The following NEO1 variants were observed in gnomAD, a reference collection of about 807,000 sequenced individuals.
NEO1 encodes neogenin.
NEO1 carries 63 observed loss-of-function variants against 159.7 expected under a neutral mutation model. That is an observed-to-expected ratio of 0.39 (90% CI 0.32 to 0.49). NEO1 has a LOEUF of 0.49. NEO1 is among the 20% of genes least tolerant of loss of function. NEO1 has a pLI of 0.85. For synonymous variants in NEO1, 633 were observed against 662.0 expected (o/e 0.96, Z 0.67); for missense variants, 1,615 against 1,831.0 (o/e 0.88, Z 2.15).
chr15:73,251,872 T>C (rs1019203504), intron 11 of NEO1, among the ~76,000 whole-genome samples: 1 of 152,280 alleles, frequency 6.6e-6, no homozygotes, highest in Middle Eastern at 3.4e-3. Flanking sequence ...GGAATGAGAA[T>C]AGAAACTCCG....
intron 15 of NEO1, among the ~76,000 whole-genome samples, chr15:73,261,372 T>C (rs1199930787): frequency 6.6e-6 from 1 of 152,148 alleles, no homozygotes; most frequent in East Asian, 1.9e-4. Context: ...AAAATGATTT[T>C]GGAAACCAAT....
At chr15:73,278,768 C>T (rs1342655007) in intron 22 of NEO1, among the ~76,000 whole-genome samples, 4 of 152,140 alleles carry the variant, frequency 2.6e-5, no homozygotes, top group South Asian at 2.1e-4. Context: ...CCGTTATTCC[C>T]GTTTAATACA....
chr15:73,298,447 C>T lies in NEO1; in HGVS notation c.4001C>T (p.Ser1334Phe), dbSNP rs376585204. The part of the protein sequence containing the change: ...HQDPEGATSS[S>F]YLASSQEEDS... ...GACCCTGAAGGTGCTACCAGCTCCT[C>T]TTACTTGGCCAGCTCCCAAGAGGAA... Residue 1334 changes from serine (S) to phenylalanine (F), a missense_variant, in exon 27 of 29, where the codon TCT becomes TTT. Coordinates refer to ENST00000261908, the MANE Select transcript of NEO1 (RefSeq NM_002499.4). The T allele has an allele frequency of 6.2e-7, 1 of 1,614,118 alleles. No homozygotes were observed. The highest frequency in any genetic ancestry group is 1.1e-5 in the South Asian group (1 of 91,092).
chr15:73,166,667 A>G (rs1283706478), intron 5 of NEO1, among the ~76,000 whole-genome samples: 10 of 152,232 alleles, frequency 6.6e-5, no homozygotes, highest in Admixed American at 6.5e-4. Context: ...TCTGATTTGC[A>G]GTTCATTAAG....
chr15:73,181,262 C>T (rs2035591875), intron 7 of NEO1, among the ~76,000 whole-genome samples: 1 of 152,004 alleles, frequency 6.6e-6, no homozygotes. Context: ...AAAACAATGC[C>T]ATGTGTAATG....
chr15:73,260,148 G>T, intron 14 of NEO1, 123 bp from the exon 15 acceptor site: 1 of 720,442 alleles, frequency 1.4e-6, no homozygotes, highest in Non-Finnish European at 2.2e-6. Context: ...TGAACTCTTG[G>T]GCATAATGTA....
At chr15:73,282,251 T>G (rs545931883) in intron 22 of NEO1, among the ~76,000 whole-genome samples, 215 of 152,364 alleles carry the variant, frequency 1.4e-3, no homozygotes, top group African/African-American at 5.0e-3. Flanking sequence ...TCATTTTCTT[T>G]TTTTCACACC....
chr15:73,221,427 G>C (rs976029263), intron 7 of NEO1, among the ~76,000 whole-genome samples: 11 of 152,222 alleles, frequency 7.2e-5, no homozygotes, highest in African/African-American at 2.4e-4. Flanking sequence ...ATCTCCAGCT[G>C]CGTGCTGGGA....
Position 73,084,783 on chromosome 15 carries a change from G to A in NEO1, c.131-31757G>A, listed in dbSNP as rs574307642. Among the ~76,000 whole-genome samples, 10 of 151,708 alleles carry A rather than the reference G, an allele frequency of 6.6e-5. No homozygotes were observed. In the South Asian group the frequency reaches 2.1e-3, roughly 32 times the overall value. Reference sequence around the variant, plus strand: ...GTTTCAATTTTACCTTTTTCTTTTTGTGTGTGTGTGTGTGTTTAATGTGTG... The same window carrying A: ...GTTTCAATTTTACCTTTTTCTTTTTATGTGTGTGTGTGTGTTTAATGTGTG... On this transcript the variant is annotated intron_variant, in intron 1 of 28. Coordinates refer to ENST00000261908, the MANE Select transcript of NEO1 (RefSeq NM_002499.4).
chr15:73,117,523 T>C (rs79796747), intron 2 of NEO1, among the ~76,000 whole-genome samples: 8,702 of 152,294 alleles, frequency 0.057, 349 homozygotes, highest in Non-Finnish European at 0.077. Context: ...GAAATAGTTT[T>C]TGTGAAGGGT....
At chr15:73,286,024 G>T (rs974753211) in intron 23 of NEO1, among the ~76,000 whole-genome samples, 1 of 152,028 alleles carries the variant, frequency 6.6e-6, no homozygotes, top group Non-Finnish European at 1.5e-5. Flanking sequence ...ATTTAAGTGT[G>T]CTCTAACTTC....
intron 7 of NEO1, among the ~76,000 whole-genome samples, chr15:73,205,765 G>T (rs909030391): frequency 2.0e-5 from 3 of 152,150 alleles, no homozygotes; most frequent in African/African-American, 7.2e-5. Context: ...CATTTCTCTA[G>T]TGAGTCCAGG....
intron 21 of NEO1, among the ~76,000 whole-genome samples, chr15:73,275,027 G>A (rs2041344872): frequency 6.6e-6 from 1 of 152,102 alleles, no homozygotes; most frequent in African/African-American, 2.4e-5. Context: ...CTGTGACAAC[G>A]ATAAGCATTT....
intron 8 of NEO1, among the ~76,000 whole-genome samples, chr15:73,239,869 A>G (rs965640377): frequency 9.2e-5 from 14 of 152,142 alleles, no homozygotes; most frequent in African/African-American, 3.1e-4. Flanking sequence ...CTGTCTGTAT[A>G]TTTTGATGTG....
At position 73,236,390 on chromosome 15, in the gene NEO1, C is replaced by T. The variant is rs772920854; in HGVS notation, c.1335C>T (p.Val445=). The stretch of plus-strand genomic sequence containing the variant: ...CACTGCCTTCAGCTCCTCGGGATGT[C>T]GTGGCCTCCCTGGTCTCTACCCGCT... ...TGPLPSAPRD[V]VASLVSTRFI... The change falls in exon 8 of 29, where the codon GTC becomes GTT. Residue 445 remains valine, a synonymous_variant. Transcript: ENST00000261908. 2.5e-5 allele frequency: 40 copies of T among 1,614,026 alleles called. No homozygotes were observed. The highest frequency in any genetic ancestry group is 6.7e-5 in the East Asian group (3 of 44,892).
rs2040891898 is a variant in NEO1 at position 73,266,299 on chromosome 15, T to C, written c.2399-17T>C. The C allele has an allele frequency of 1.3e-6, 2 of 1,589,396 alleles. No homozygotes were observed. Among genetic ancestry groups the C allele is most frequent in the Admixed American group, 3.5e-5 (2 of 57,138 alleles). On this transcript the variant is annotated splice_polypyrimidine_tract_variant and intron_variant, in intron 15 of 28. Coordinates refer to ENST00000261908, the MANE Select transcript of NEO1 (RefSeq NM_002499.4). ...CTGTAGTGAGCATTTTTTTAATGTGTGTTTCTTTTTTTTCAGATCCCAGCT... is the reference window on the plus strand; with the variant it reads ...CTGTAGTGAGCATTTTTTTAATGTGCGTTTCTTTTTTTTCAGATCCCAGCT...
At chr15:73,270,514 G>A in intron 18 of NEO1, 60 bp downstream of exon 18, 2 of 1,525,854 alleles carry the variant, frequency 1.3e-6, no homozygotes, top group Non-Finnish European at 1.8e-6. Context: ...AAAGAATTGA[G>A]TGCCTGAATT....
At chr15:73,060,019 G>A (rs1335710995) in intron 1 of NEO1, among the ~76,000 whole-genome samples, 1 of 150,890 alleles carries the variant, frequency 6.6e-6, no homozygotes, top group African/African-American at 2.4e-5. Flanking sequence ...GAATGTTTCT[G>A]TTTTTCTGCT....
intron 5 of NEO1, among the ~76,000 whole-genome samples, chr15:73,136,514 C>G (rs931164534): frequency 1.3e-5 from 2 of 152,124 alleles, no homozygotes; most frequent in Non-Finnish European, 2.9e-5. Context: ...TCTCTCCTCT[C>G]TGTTGGTGTC....
Sources: allele counts gnomAD v4.1 joint callset (sites outside exome capture counted in the v4.1 genomes callset), GRCh38; gene constraint gnomAD v4.1.1; transcripts MANE v1.5; gene names NCBI Gene and HGNC (gene_info 2026-07-23, HGNC 2026-07-21).